The following TSPAN15 variants were observed in gnomAD, a reference collection of about 807,000 sequenced individuals.
TSPAN15 encodes the protein tetraspanin-15.
A neutral mutation model predicts 34.5 loss-of-function variants in TSPAN15; 20 were observed. That is an observed-to-expected ratio of 0.58 (90% CI 0.41 to 0.84). The LOEUF (loss-of-function observed/expected upper bound fraction) is 0.84. TSPAN15 is among the 40% of genes least tolerant of loss of function. TSPAN15 has a pLI of 0.00. For synonymous variants in TSPAN15, 155 were observed against 153.9 expected, an observed-to-expected ratio of 1.01 and a Z score of -0.05; for missense variants, 313 against 386.1, an observed-to-expected ratio of 0.81 and a Z score of 1.59.
intron 3 of TSPAN15, chr10:69,494,948 C>T (rs1842046370): frequency 1.2e-6 from 1 of 848,618 alleles, no homozygotes. Flanking sequence ...AGAGGGCGGC[C>T]TGCCATGTTC....
At chr10:69,496,123 G>C (rs1842075141) in intron 4 of TSPAN15, among the ~76,000 whole-genome samples, 1 of 152,034 alleles carries the variant, frequency 6.6e-6, no homozygotes, top group Admixed American at 6.6e-5. Flanking sequence ...AGTCTCTTCA[G>C]TGACAACTCA....
intron 1 of TSPAN15, among the ~76,000 whole-genome samples, chr10:69,453,676 A>G (rs1483381720): frequency 6.6e-6 from 1 of 152,106 alleles, no homozygotes; most frequent in African/African-American, 2.4e-5. Flanking sequence ...TATGAGCAAA[A>G]TCAGTGCAGT....
intron 1 of TSPAN15, among the ~76,000 whole-genome samples, chr10:69,457,623 C>G (rs1056280705): frequency 3.9e-5 from 6 of 152,152 alleles, no homozygotes; most frequent in Admixed American, 3.3e-4. Context: ...GGGCTTTCTC[C>G]AAGGATGAAC....
downstream of TSPAN15, among the ~76,000 whole-genome samples, chr10:69,510,081 T>C (rs970559590): frequency 1.1e-4 from 16 of 152,244 alleles, no homozygotes; most frequent in African/African-American, 3.9e-4. Flanking sequence ...TGGTTCCACA[T>C]GAAATTTAAA....
At chr10:69,530,779 A>ACTCTCTTTCTCT in the TSPAN15 span, among the ~76,000 whole-genome samples, 117 of 49,998 alleles carry the variant, frequency 2.3e-3, 21 homozygotes, top group East Asian at 3.7e-3. Context: ...ACAGAGTGAG[A>ACTCTCTTTCTCT]CTCTCTCTCT....
At chr10:69,485,357 T>A in intron 3 of TSPAN15, 142 bp downstream of exon 3, 1 of 767,568 alleles carries the variant, frequency 1.3e-6, no homozygotes, top group African/African-American at 1.7e-5. Context: ...TGACAGGCAC[T>A]GAACAAGTAA....
the TSPAN15 span, among the ~76,000 whole-genome samples, chr10:69,520,383 CTGGGTTGG>C: frequency 1.3e-5 from 2 of 152,162 alleles, no homozygotes; most frequent in African/African-American, 4.8e-5. Context: ...ATATTTCTGG[CTGGGTTGG>C]TGGCTCACAC....
At chr10:69,486,580 A>G (rs1488326301) in intron 3 of TSPAN15, among the ~76,000 whole-genome samples, 1 of 152,222 alleles carries the variant, frequency 6.6e-6, no homozygotes, top group Non-Finnish European at 1.5e-5. Context: ...CTGGGACTAC[A>G]GTCATGCACC....
At chr10:69,478,370 A>G (rs1009966849) in intron 1 of TSPAN15, among the ~76,000 whole-genome samples, 3 of 152,180 alleles carry the variant, frequency 2.0e-5, no homozygotes, top group African/African-American at 7.2e-5. Flanking sequence ...CAAGCTAGAA[A>G]GTCTGAAAAG....
At chr10:69,485,792 G>A (rs1564609375) in intron 3 of TSPAN15, among the ~76,000 whole-genome samples, 1 of 152,114 alleles carries the variant, frequency 6.6e-6, no homozygotes, top group East Asian at 1.9e-4. Flanking sequence ...GTCATCCTGG[G>A]AATGGGGTAA....
downstream of TSPAN15, among the ~76,000 whole-genome samples, chr10:69,512,017 AC>A (rs1842419980): frequency 2.0e-5 from 3 of 152,328 alleles, no homozygotes; most frequent in South Asian, 6.2e-4. Flanking sequence ...GCGGCAAACC[AC>A]CATGGCACAT....
At chr10:69,499,800 G>A (rs1167210300) in intron 5 of TSPAN15, among the ~76,000 whole-genome samples, 1 of 152,200 alleles carries the variant, frequency 6.6e-6, no homozygotes, top group East Asian at 1.9e-4. Context: ...TGAGGAAGGT[G>A]TCTGGGGGAG....
intron 1 of TSPAN15, among the ~76,000 whole-genome samples, chr10:69,454,240 G>A (rs910061678): frequency 1.3e-5 from 2 of 152,172 alleles, no homozygotes; most frequent in Admixed American, 6.5e-5. Flanking sequence ...TACTGGGGCC[G>A]GGCCCGGTGG....
intron 1 of TSPAN15, among the ~76,000 whole-genome samples, chr10:69,476,841 G>C (rs910528145): frequency 6.6e-6 from 1 of 152,086 alleles, no homozygotes; most frequent in African/African-American, 2.4e-5. Context: ...AGTAGGGCCA[G>C]GTCAGTGGGA....
At chr10:69,530,660 G>A in the TSPAN15 span, among the ~76,000 whole-genome samples, 1 of 144,498 alleles carries the variant, frequency 6.9e-6, no homozygotes, top group Admixed American at 7.3e-5. Flanking sequence ...ATGAAAATTA[G>A]CCAGGGGTGG....
downstream of TSPAN15, chr10:69,507,685 G>A (rs1424656771): frequency 8.2e-7 from 1 of 1,218,154 alleles, no homozygotes; most frequent in African/African-American, 1.8e-5. Context: ...CCTTTCCTGT[G>A]TGCTGTTTTG....
chr10:69,457,806 A>G (rs1294273395), intron 1 of TSPAN15, among the ~76,000 whole-genome samples: 1 of 152,208 alleles, frequency 6.6e-6, no homozygotes, highest in Non-Finnish European at 1.5e-5. Context: ...TGCTAAGCAG[A>G]TTAGATGGAT....
At chr10:69,490,919 G>A (rs1019295248) in intron 3 of TSPAN15, among the ~76,000 whole-genome samples, 1 of 152,214 alleles carries the variant, frequency 6.6e-6, no homozygotes, top group Non-Finnish European at 1.5e-5. Flanking sequence ...GGATGTGGAG[G>A]GCCGGCTGTG....
chr10:69,530,820 C>CTATATA, the TSPAN15 span, among the ~76,000 whole-genome samples: 225 of 30,756 alleles, frequency 7.3e-3, 10 homozygotes, highest in Non-Finnish European at 9.7e-3. Context: ...CTCTCTCTCT[C>CTATATA]TATATATATA....
Sources: gnomAD v4.1 joint callset for allele counts (sites outside exome capture counted in the v4.1 genomes callset) on GRCh38, gnomAD v4.1.1 for gene constraint, MANE v1.5 for transcripts, NCBI Gene and HGNC (gene_info 2026-07-23, HGNC 2026-07-21) for gene names.